The following BCAS1 variants were observed in gnomAD, a reference collection of about 807,000 sequenced individuals.
The protein encoded by BCAS1 is breast carcinoma-amplified sequence 1.
Under a neutral mutation model 65.4 loss-of-function variants are expected in BCAS1, and 46 were observed. The observed-to-expected ratio is 0.70, with a 90% confidence interval of 0.55 to 0.90. The LOEUF is 0.90. Among genes scored for constraint, BCAS1 ranks in the 40% least tolerant of loss-of-function variants. The pLI is 0.00. For missense variants in BCAS1, 793 were observed against 771.2 expected (o/e 1.03, Z -0.33); for synonymous variants, 298 against 293.5 (o/e 1.02, Z -0.16).
rs943749051 is a variant in BCAS1, at chr20:53,995,111, T to A, written c.883-55A>T. On this transcript the variant is annotated intron_variant, in intron 5 of 12. Transcript: ENST00000688948. ...AAATCATTGCTCTTTAGAGTGATTTTTATTTCATAGATAAATAACTCTTTA... is the reference window on the plus strand; with the variant it reads ...AAATCATTGCTCTTTAGAGTGATTTATATTTCATAGATAAATAACTCTTTA... 4.1e-6 allele frequency: 6 copies of A among 1,465,152 alleles called. No individual in the cohort carries two copies. In the Admixed American group the frequency reaches 6.8e-5, roughly 17 times the overall value. 90.8% of individuals were successfully genotyped at this position (1,465,152 alleles called of 1,614,324 possible). A position where few individuals can be genotyped will look rare whatever the true frequency, so the allele number is the denominator to read the frequency against.
At chr20:54,028,362 A>T (rs1450158142) in intron 4 of BCAS1, 30 bp downstream of exon 4, 2 of 1,611,806 alleles carry the variant, frequency 1.2e-6, no homozygotes, top group South Asian at 2.2e-5. Flanking sequence ...ATGCATTCAG[A>T]ACCAAGTGGA....
At chr20:54,058,829 T>C (rs1187925904) in intron 1 of BCAS1, 106 bp from the exon 2 acceptor site, 12 of 1,280,850 alleles carry the variant, frequency 9.4e-6, no homozygotes, top group African/African-American at 3.0e-5. Flanking sequence ...GGCTGTATTA[T>C]CATCAGCTGA....
chr20:54,058,321 A>G (rs2092328519), intron 2 of BCAS1, among the ~76,000 whole-genome samples, 167 bp from the exon 3 acceptor site: 1 of 152,144 alleles, frequency 6.6e-6, no homozygotes, highest in African/African-American at 2.4e-5. Flanking sequence ...GAGAACCAAA[A>G]TAACTCACTC....
chr20:53,993,547 A>G (rs754910794), intron 6 of BCAS1, among the ~76,000 whole-genome samples: 8 of 152,162 alleles, frequency 5.3e-5, no homozygotes, highest in African/African-American at 1.9e-4. Context: ...GGGTACGTTC[A>G]GTTTTGACCA....
At chr20:54,026,738 T>C (rs961641513) in intron 4 of BCAS1, among the ~76,000 whole-genome samples, 1 of 152,146 alleles carries the variant, frequency 6.6e-6, no homozygotes, top group Non-Finnish European at 1.5e-5. Flanking sequence ...TGCAGGAATA[T>C]TGACGACTAG....
chr20:53,989,608 G>A (rs978998172), intron 7 of BCAS1, among the ~76,000 whole-genome samples: 1 of 152,084 alleles, frequency 6.6e-6, no homozygotes, highest in Non-Finnish European at 1.5e-5. Flanking sequence ...CTGGGTTGTA[G>A]AATACCAGTC....
intron 1 of BCAS1, among the ~76,000 whole-genome samples, chr20:54,059,040 G>T (rs143653184): frequency 1.3e-3 from 205 of 152,300 alleles, no homozygotes; most frequent in African/African-American, 4.8e-3. Flanking sequence ...GGAAATGCCA[G>T]ATGCTTATAA....
In BCAS1 at chr20:54,025,926, G is replaced by A. The variant is rs145024061; in HGVS notation, c.723+2466C>T. 8.1e-3 allele frequency among the ~76,000 whole-genome samples: 1,238 copies of A among 152,300 alleles called. 7 individuals are homozygous for A. The highest frequency in any genetic ancestry group is 0.042 in the South Asian group (204 of 4,824). On this transcript the variant is annotated intron_variant, in intron 4 of 12. Coordinates refer to ENST00000688948, the MANE Select transcript of BCAS1 (RefSeq NM_001366298.2). ...ACAATCAGAAGGCTGTTTTGTTGTT[G>A]TTGTTAAAAACCTTTGCAGGCATAT...
chr20:53,985,979 A>T (rs1313523439), intron 7 of BCAS1, among the ~76,000 whole-genome samples: 2 of 152,192 alleles, frequency 1.3e-5, no homozygotes, highest in African/African-American at 4.8e-5. Flanking sequence ...AACTTCTGAA[A>T]TTTTTCTCCA....
rs376229431 is a variant in BCAS1, at chr20:54,014,546, CTG to C, written c.723+13844_723+13845del. 8.2e-4 allele frequency among the ~76,000 whole-genome samples: 125 copies of C among 152,330 alleles called. 1 individual carries two copies. In the South Asian group the frequency reaches 0.022, roughly 26 times the overall value. ...CTTAAAAAGCCTTGTCTGGAATGAT[CTG>C]TGATGCCTCTACTCCATCTAGATTT... On this transcript the variant is annotated intron_variant, in intron 4 of 12. Transcript: ENST00000688948.
chr20:53,949,037 G>A (rs1244374481), intron 12 of BCAS1, among the ~76,000 whole-genome samples: 1 of 152,128 alleles, frequency 6.6e-6, no homozygotes, highest in Non-Finnish European at 1.5e-5. Flanking sequence ...AGATTGCGCT[G>A]CACACAATCT....
intron 8 of BCAS1, among the ~76,000 whole-genome samples, chr20:53,983,584 T>C (rs545446972): frequency 2.6e-5 from 4 of 152,340 alleles, no homozygotes; most frequent in Non-Finnish European, 5.9e-5. Flanking sequence ...GGAAGTGTGC[T>C]GCTCAGATTC....
chr20:54,050,813 A>C (rs1298684438), intron 3 of BCAS1, among the ~76,000 whole-genome samples: 2 of 152,126 alleles, frequency 1.3e-5, no homozygotes, highest in African/African-American at 4.8e-5. Context: ...TTTTAAAACT[A>C]TGTTTTTGTT....
chr20:54,021,858 C>T (rs1474122431), intron 4 of BCAS1, among the ~76,000 whole-genome samples: 3 of 152,046 alleles, frequency 2.0e-5, no homozygotes, highest in Non-Finnish European at 2.9e-5. Context: ...GGTACACGTG[C>T]ACGTCACCCG....
At chr20:54,004,021 GCA>G (rs1357213501) in intron 4 of BCAS1, among the ~76,000 whole-genome samples, 1 of 152,152 alleles carries the variant, frequency 6.6e-6, no homozygotes. Flanking sequence ...GTATGTCCGC[GCA>G]CACACACAGT....
intron 10 of BCAS1, among the ~76,000 whole-genome samples, chr20:53,966,180 A>C (rs547059234): frequency 6.6e-6 from 1 of 152,360 alleles, no homozygotes; most frequent in Non-Finnish European, 1.5e-5. Context: ...CTGCACACAC[A>C]GGTTTATTGC....
At chr20:53,974,018 T>G (rs2090256561) in intron 9 of BCAS1, among the ~76,000 whole-genome samples, 1 of 150,210 alleles carries the variant, frequency 6.7e-6, no homozygotes, top group Non-Finnish European at 1.5e-5. Flanking sequence ...GTCAGCACTT[T>G]GTGTCTAGCT....
At chr20:54,017,612 TC>T (rs1462180697) in intron 4 of BCAS1, among the ~76,000 whole-genome samples, 7 of 152,074 alleles carry the variant, frequency 4.6e-5, no homozygotes, top group African/African-American at 1.7e-4. Flanking sequence ...GCCAGGCTGG[TC>T]TTGAACTCCT....
At position 54,038,886 on chromosome 20, in the gene BCAS1, T is replaced by G. The variant is rs114753405; in HGVS notation, c.143-9914A>C. 9.7e-3 allele frequency among the ~76,000 whole-genome samples: 1,468 copies of G among 151,438 alleles called. 34 individuals are homozygous for G. The highest frequency in any genetic ancestry group is 0.033 in the African/African-American group (1,376 of 41,448). ...CAGGGGTTTATAGAGTCTTGTAACA[T>G]TGGTGAGCTGCTCAGATCACACACA... is the stretch of plus-strand genomic sequence containing the variant. On this transcript the variant is annotated intron_variant, in intron 3 of 12. Transcript: ENST00000688948.
Sources: gnomAD v4.1 joint callset for allele counts (sites outside exome capture counted in the v4.1 genomes callset) on GRCh38, gnomAD v4.1.1 for gene constraint, MANE v1.5 for transcripts, NCBI Gene and HGNC (gene_info 2026-07-23, HGNC 2026-07-21) for gene names.